The following PDCD6 variants were observed in gnomAD, a reference collection of about 807,000 sequenced individuals.
PDCD6 encodes the protein programmed cell death protein 6.
In PDCD6, 12 loss-of-function variants were observed where a neutral mutation model predicts 28.3. That is an observed-to-expected ratio of 0.42 (90% CI 0.27 to 0.69). The LOEUF (loss-of-function observed/expected upper bound fraction) is 0.69. Among genes scored for constraint, PDCD6 ranks in the 30% least tolerant of loss-of-function variants. The probability of loss-of-function intolerance (pLI) is 0.22; values close to 1 mark genes in which losing one functional copy is unlikely to be tolerated. For synonymous variants in PDCD6, 92 were observed against 108.0 expected, an observed-to-expected ratio of 0.85 and a Z score of 0.92; for missense variants, 226 against 269.9, an observed-to-expected ratio of 0.84 and a Z score of 1.14.
chr5:278,223 T>C (rs1022010138), intron 2 of PDCD6, among the ~76,000 whole-genome samples: 1 of 152,186 alleles, frequency 6.6e-6, no homozygotes, highest in Non-Finnish European at 1.5e-5. Flanking sequence ...TGTAGGATAT[T>C]TCATTTATTT....
chr5:311,032 G>A lies in PDCD6; in HGVS notation c.368-261G>A, dbSNP rs1024135560. ...AGTTAATTCACAGGAGTGACTAATG[G>A]CAGCGTCCCACTCACTCCTCCTTCC... On this transcript the variant is annotated intron_variant, in intron 4 of 5. Coordinates refer to ENST00000264933, the MANE Select transcript of PDCD6 (RefSeq NM_013232.4). 3.3e-4 allele frequency: 140 copies of A among 421,110 alleles called. 1 individual carries two copies. The highest frequency in any genetic ancestry group is 9.4e-4 in the East Asian group (19 of 20,186). 26.1% of individuals were successfully genotyped at this position (421,110 alleles called of 1,614,324 possible).
chr5:283,404 G>A (rs62345236), intron 2 of PDCD6, among the ~76,000 whole-genome samples: 17,060 of 151,504 alleles, frequency 0.11, 414 homozygotes, highest in African/African-American at 0.28. Context: ...TGCAGCTGCA[G>A]ACCCAGAGAG....
At chr5:284,427 C>T (rs1161997181) in intron 2 of PDCD6, among the ~76,000 whole-genome samples, 1 of 152,166 alleles carries the variant, frequency 6.6e-6, no homozygotes, top group Non-Finnish European at 1.5e-5. Context: ...GAGGGTCATG[C>T]AGCTGGAGAT....
Position 299,801 on chromosome 5 carries a change from G to A in PDCD6, c.164-4376G>A, listed in dbSNP as rs562297429. Reference sequence around the variant, plus strand: ...CCTCACCTGGTGATCCGCCCGCCTTGGCCTCCCAAAGTGCTGGGATTACAG... The same window carrying A: ...CCTCACCTGGTGATCCGCCCGCCTTAGCCTCCCAAAGTGCTGGGATTACAG... On this transcript the variant is annotated intron_variant, in intron 2 of 5. Transcript: ENST00000264933. 1.3e-3 allele frequency among the ~76,000 whole-genome samples: 195 copies of A among 152,176 alleles called. 3 individuals carry two copies. The highest frequency in any genetic ancestry group is 2.1e-3 in the Non-Finnish European group (142 of 68,012).
At chr5:294,822 G>A (rs184611486) in intron 2 of PDCD6, among the ~76,000 whole-genome samples, 74 of 152,248 alleles carry the variant, frequency 4.9e-4, no homozygotes, top group African/African-American at 1.7e-3. Flanking sequence ...GGGAACCAAC[G>A]CGGATGCTTC....
At chr5:276,851 A>G in intron 2 of PDCD6, 1 of 985,384 alleles carries the variant, frequency 1.0e-6, no homozygotes, top group Non-Finnish European at 1.2e-6. Flanking sequence ...GCTGCTAAAA[A>G]TTACTGCTCT....
chr5:275,177 T>C (rs1424824841), intron 2 of PDCD6, among the ~76,000 whole-genome samples: 1 of 152,090 alleles, frequency 6.6e-6, no homozygotes, highest in African/African-American at 2.4e-5. Context: ...TCCCAACACT[T>C]TGGGAGGCCG....
intron 2 of PDCD6, among the ~76,000 whole-genome samples, chr5:303,315 G>T (rs1055105233): frequency 7.0e-6 from 1 of 143,010 alleles, no homozygotes; most frequent in Admixed American, 6.8e-5. Flanking sequence ...AAAAAAAACT[G>T]TGTGTCTAAC....
At chr5:285,705 G>A (rs1459857411) in intron 2 of PDCD6, among the ~76,000 whole-genome samples, 1 of 151,906 alleles carries the variant, frequency 6.6e-6, no homozygotes, top group African/African-American at 2.4e-5. Context: ...GGCGACCCGG[G>A]GGCGGGCTGA....
intron 4 of PDCD6, 188 bp from the exon 5 acceptor site, chr5:311,105 C>T (rs754780944): frequency 1.7e-6 from 1 of 586,916 alleles, no homozygotes; most frequent in Non-Finnish European, 3.1e-6. Flanking sequence ...GATGTCAGCT[C>T]ATTACAGAAT....
chr5:313,293 A>C (rs1741044331), intron 5 of PDCD6, among the ~76,000 whole-genome samples: 1 of 152,276 alleles, frequency 6.6e-6, no homozygotes, highest in Non-Finnish European at 1.5e-5. Flanking sequence ...CTAACAAATA[A>C]CATGAACACT....
intron 3 of PDCD6, chr5:306,353 A>C (rs1740481094): frequency 2.2e-6 from 1 of 458,028 alleles, no homozygotes; most frequent in Non-Finnish European, 4.0e-6. Flanking sequence ...CACAGCTGCA[A>C]GTGCACCTTC....
chr5:299,861 T>A (rs961093399), intron 2 of PDCD6, among the ~76,000 whole-genome samples: 1 of 151,698 alleles, frequency 6.6e-6, no homozygotes, highest in African/African-American at 2.4e-5. Context: ...TATTTTTTTT[T>A]TTATTTTTTT....
intron 2 of PDCD6, among the ~76,000 whole-genome samples, chr5:286,297 G>A (rs1042875688): frequency 2.0e-5 from 3 of 146,936 alleles, no homozygotes; most frequent in Non-Finnish European, 4.5e-5. Context: ...AGCTGATGTT[G>A]CAGTTTGAGG....
chr5:275,298 G>T lies in PDCD6; in HGVS notation c.163+2526G>T, dbSNP rs533166362. 2.6e-5 allele frequency among the ~76,000 whole-genome samples: 4 copies of T among 152,342 alleles called. No homozygotes were observed. The South Asian group carries it at 8.3e-4, about 32-fold the overall frequency. ...TTTCCTCAGCTTGTGCTGGGGGCAT[G>T]TGGCCCCATGAAGCCCGTAGTCACT... On this transcript the variant is annotated intron_variant, in intron 2 of 5. Coordinates refer to ENST00000264933, the MANE Select transcript of PDCD6 (RefSeq NM_013232.4).
chr5:276,376 G>A (rs1335121070), intron 2 of PDCD6: 6 of 1,023,002 alleles, frequency 5.9e-6, no homozygotes, highest in African/African-American at 5.2e-5. Flanking sequence ...CTGCGTGAAG[G>A]AAGGTTCATA....
At chr5:283,218 C>T (rs1219580551) in intron 2 of PDCD6, among the ~76,000 whole-genome samples, 39 of 147,456 alleles carry the variant, frequency 2.6e-4, no homozygotes, top group Non-Finnish European at 2.7e-4. Flanking sequence ...GCTGAAGACT[C>T]GGGGAGGAGC....
At chr5:304,514 C>G (rs1740342236) in intron 3 of PDCD6, 1 of 165,354 alleles carries the variant, frequency 6.0e-6, no homozygotes. Context: ...TTATTAGTTA[C>G]TTTCACATCT....
At chr5:306,852 G>A (rs1280968339) in intron 4 of PDCD6, 92 bp downstream of exon 4, 6 of 1,297,348 alleles carry the variant, frequency 4.6e-6, no homozygotes, top group Non-Finnish European at 6.7e-6. Flanking sequence ...TTAACTGATT[G>A]TCTAACCAGG....
Sources: allele counts gnomAD v4.1 joint callset (sites outside exome capture counted in the v4.1 genomes callset), GRCh38; gene constraint gnomAD v4.1.1; transcripts MANE v1.5; gene names NCBI Gene and HGNC (gene_info 2026-07-23, HGNC 2026-07-21).